The following KHDRBS2 variants were observed in gnomAD, a reference collection of about 807,000 sequenced individuals.
KHDRBS2 encodes the protein KH RNA binding domain containing, signal transduction associated 2, also known as KH domain-containing, RNA-binding, signal transduction-associated protein 2.
KHDRBS2 carries 26 observed loss-of-function variants against 44.3 expected under a neutral mutation model. That is an observed-to-expected ratio of 0.59 (90% CI 0.43 to 0.81). The LOEUF (loss-of-function observed/expected upper bound fraction) is 0.81, where lower values mean the gene tolerates loss of function less well. Ranked by LOEUF, KHDRBS2 falls within the 40% of genes least tolerant of loss-of-function variation. The pLI, the probability that KHDRBS2 is intolerant of heterozygous loss-of-function variation, is 0.00. For synonymous variants in KHDRBS2, 194 were observed against 151.1 expected, an observed-to-expected ratio of 1.28 and a Z score of -2.08; for missense variants, 476 against 433.1, an observed-to-expected ratio of 1.10 and a Z score of -0.88.
the KHDRBS2 span, among the ~76,000 whole-genome samples, chr6:61,579,894 C>G: frequency 9.2e-6 from 1 of 108,988 alleles, no homozygotes; most frequent in Non-Finnish European, 1.9e-5. Context: ...CCCGTCTCTA[C>G]TAAAATTAGA....
intron 6 of KHDRBS2, among the ~76,000 whole-genome samples, chr6:61,851,697 T>C (rs1214589324): frequency 6.6e-6 from 1 of 152,230 alleles, no homozygotes; most frequent in African/African-American, 2.4e-5. Context: ...TGTAAGAAAA[T>C]AAATGTCTGT....
At chr6:61,908,682 T>C (rs1805502470) in intron 4 of KHDRBS2, among the ~76,000 whole-genome samples, 1 of 151,144 alleles carries the variant, frequency 6.6e-6, no homozygotes, top group Non-Finnish European at 1.5e-5. Flanking sequence ...AATTGACATA[T>C]GTATTCCATT....
chr6:61,682,169 T>C (rs1230085777), intron 8 of KHDRBS2, among the ~76,000 whole-genome samples: 2 of 151,922 alleles, frequency 1.3e-5, no homozygotes, highest in Non-Finnish European at 2.9e-5. Context: ...GAAAGACTAC[T>C]AGAAAAGCAT....
At chr6:62,075,689 T>C (rs753230484) in intron 2 of KHDRBS2, among the ~76,000 whole-genome samples, 1 of 151,946 alleles carries the variant, frequency 6.6e-6, no homozygotes, top group Non-Finnish European at 1.5e-5. Context: ...TTTTGATAGA[T>C]GAGTAACTCT....
intron 4 of KHDRBS2, among the ~76,000 whole-genome samples, chr6:61,949,818 C>T (rs182000163): frequency 7.0e-4 from 107 of 151,996 alleles, no homozygotes; most frequent in African/African-American, 2.4e-3. Context: ...CTAAATATAT[C>T]TTCCTAAAAA....
chr6:61,748,271 G>C (rs1261327212), intron 6 of KHDRBS2, among the ~76,000 whole-genome samples: 1 of 152,160 alleles, frequency 6.6e-6, no homozygotes, highest in Non-Finnish European at 1.5e-5. Context: ...TTACAGGCGT[G>C]AGCCACCACA....
At chr6:62,028,427 T>C (rs1040045352) in intron 3 of KHDRBS2, among the ~76,000 whole-genome samples, 8 of 152,268 alleles carry the variant, frequency 5.3e-5, no homozygotes, top group East Asian at 1.9e-4. Flanking sequence ...GTCATCTGTA[T>C]GTATTTTGGC....
chr6:61,608,948 A>T, the KHDRBS2 span, among the ~76,000 whole-genome samples: 29 of 152,344 alleles, frequency 1.9e-4, no homozygotes, highest in South Asian at 5.8e-3. Context: ...CTTTGGGTAT[A>T]TACCCAGTAA....
intron 2 of KHDRBS2, among the ~76,000 whole-genome samples, chr6:62,070,393 G>T (rs988807855): frequency 1.3e-5 from 2 of 151,386 alleles, no homozygotes; most frequent in African/African-American, 4.9e-5. Context: ...CAATGTGCAG[G>T]TTTGTTACAT....
chr6:61,645,524 T>TAAAA, the KHDRBS2 span, among the ~76,000 whole-genome samples: 9 of 147,682 alleles, frequency 6.1e-5, 1 homozygote, highest in Admixed American at 2.0e-4. Context: ...TTGGCAGCCA[T>TAAAA]AAAAAAAAAA....
intron 4 of KHDRBS2, among the ~76,000 whole-genome samples, chr6:61,958,847 T>C (rs1768004829): frequency 6.6e-6 from 1 of 152,182 alleles, no homozygotes; most frequent in Admixed American, 6.6e-5. Flanking sequence ...TGCCTTCAGT[T>C]CTCTGGGCTC....
At chr6:61,968,398 G>A (rs2343668) in intron 4 of KHDRBS2, among the ~76,000 whole-genome samples, 28,563 of 151,908 alleles carry the variant, frequency 0.19, 3,097 homozygotes, top group East Asian at 0.32. Context: ...TAAAACAACC[G>A]TGAAGTGATT....
chr6:62,088,988 G>C (rs1030595422), intron 2 of KHDRBS2, among the ~76,000 whole-genome samples: 1 of 152,244 alleles, frequency 6.6e-6, no homozygotes, highest in African/African-American at 2.4e-5. Flanking sequence ...GCTCCACCCA[G>C]TGTGAACTTC....
chr6:61,563,517 A>T, the KHDRBS2 span, among the ~76,000 whole-genome samples: 1 of 152,078 alleles, frequency 6.6e-6, no homozygotes, highest in Non-Finnish European at 1.5e-5. Context: ...CTGATTGCTG[A>T]CCTTTACTCT....
chr6:62,173,170 G>A (rs1254658752), intron 2 of KHDRBS2, among the ~76,000 whole-genome samples: 5 of 146,698 alleles, frequency 3.4e-5, no homozygotes, highest in Non-Finnish European at 7.5e-5. Flanking sequence ...GAGTAAATAA[G>A]ATAAACCACT....
intron 6 of KHDRBS2, among the ~76,000 whole-genome samples, chr6:61,734,305 A>C (rs1176942748): frequency 6.6e-6 from 1 of 152,124 alleles, no homozygotes; most frequent in African/African-American, 2.4e-5. Context: ...TCAATGTTCT[A>C]AAGTTAATTT....
At chr6:61,790,056 C>A (rs186049866) in intron 6 of KHDRBS2, among the ~76,000 whole-genome samples, 42 of 151,520 alleles carry the variant, frequency 2.8e-4, no homozygotes, top group Non-Finnish European at 5.3e-4. Context: ...TTGACTCAGG[C>A]ATATAACCCC....
the KHDRBS2 span, among the ~76,000 whole-genome samples, chr6:61,624,166 C>T: frequency 1.0e-3 from 158 of 152,248 alleles, no homozygotes; most frequent in Non-Finnish European, 1.9e-3. Context: ...AGCAGAAGTC[C>T]TGAATAACCA....
chr6:61,896,673 G>A (rs147484353), intron 5 of KHDRBS2, among the ~76,000 whole-genome samples: 1,827 of 152,094 alleles, frequency 0.012, 16 homozygotes, highest in Middle Eastern at 0.024. Flanking sequence ...GTATCCTGTC[G>A]TTTATTTGTC....
Sources: gnomAD v4.1 joint callset for allele counts (sites outside exome capture counted in the v4.1 genomes callset) on GRCh38, gnomAD v4.1.1 for gene constraint, MANE v1.5 for transcripts, NCBI Gene and HGNC (gene_info 2026-07-23, HGNC 2026-07-21) for gene names.